The following AGBL1 variants were observed in gnomAD, a reference collection of about 807,000 sequenced individuals.
AGBL1 encodes AGBL carboxypeptidase 1, also known as cytosolic carboxypeptidase 4.
Under a neutral mutation model 118.9 loss-of-function variants are expected in AGBL1, and 130 were observed. The ratio of observed to expected loss-of-function variants is 1.09; its 90% CI spans 0.95 to 1.26. The LOEUF (loss-of-function observed/expected upper bound fraction) is 1.26, where lower values mean the gene tolerates loss of function less well. AGBL1 is among the 50% of genes most tolerant of loss of function. AGBL1 has a pLI of 0.00. For synonymous variants in AGBL1, 555 were observed against 478.9 expected, an observed-to-expected ratio of 1.16 and a Z score of -2.08; for missense variants, 1,584 against 1,298.1, an observed-to-expected ratio of 1.22 and a Z score of -3.38.
intron 24 of AGBL1, among the ~76,000 whole-genome samples, chr15:87,007,992 C>T (rs1369143368): frequency 6.6e-6 from 1 of 152,180 alleles, no homozygotes; most frequent in Admixed American, 6.5e-5. Flanking sequence ...TTGGATTATT[C>T]ATTGCTGAAG....
intron 17 of AGBL1, among the ~76,000 whole-genome samples, chr15:86,298,825 G>A (rs529117354): frequency 9.2e-5 from 14 of 152,244 alleles, no homozygotes; most frequent in Admixed American, 2.0e-4. Context: ...ATAAGACCAC[G>A]GCTATGGAAT....
At chr15:86,716,072 A>G (rs2086634103) in intron 22 of AGBL1, among the ~76,000 whole-genome samples, 1 of 152,110 alleles carries the variant, frequency 6.6e-6, no homozygotes, top group East Asian at 1.9e-4. Context: ...TCTCAAAAAA[A>G]AAAAAAAAAA....
intron 24 of AGBL1, among the ~76,000 whole-genome samples, chr15:87,007,840 T>C (rs2081520181): frequency 6.6e-6 from 1 of 152,232 alleles, no homozygotes; most frequent in African/African-American, 2.4e-5. Flanking sequence ...TGCTTGTTTC[T>C]ATATTAAATA....
intron 21 of AGBL1, among the ~76,000 whole-genome samples, chr15:86,597,739 T>C (rs1003886299): frequency 3.3e-5 from 5 of 152,124 alleles, no homozygotes; most frequent in Non-Finnish European, 7.3e-5. Context: ...TTGGCAGAGA[T>C]GCAGAAGCAG....
intron 21 of AGBL1, among the ~76,000 whole-genome samples, chr15:86,568,888 A>T (rs1015553470): frequency 2.0e-5 from 3 of 152,148 alleles, no homozygotes; most frequent in Non-Finnish European, 4.4e-5. Flanking sequence ...GTTCCCAGAA[A>T]TTTTTTTAAT....
At chr15:86,173,138 C>T (rs1455684341) in intron 5 of AGBL1, 2 of 151,878 alleles carry the variant, frequency 1.3e-5, no homozygotes, top group Non-Finnish European at 2.9e-5. Flanking sequence ...CTGTTGGCCA[C>T]CTGTATGTCT....
At chr15:86,663,744 A>G (rs1365528879) in intron 21 of AGBL1, among the ~76,000 whole-genome samples, 1 of 152,192 alleles carries the variant, frequency 6.6e-6, no homozygotes, top group Non-Finnish European at 1.5e-5. Flanking sequence ...TCCATGAAGT[A>G]TAAAGCCTCT....
Position 86,797,773 on chromosome 15 carries a change from T to A in AGBL1, c.3159-109314T>A, listed in dbSNP as rs1479747769. 3.3e-5 allele frequency among the ~76,000 whole-genome samples: 5 copies of A among 151,926 alleles called. No individual in the cohort carries two copies. In the South Asian group the frequency reaches 1.0e-3, roughly 32 times the overall value. ...GTGGGGAGGTGATCCATCAGCAAAA[T>A]GGAAAGGGAAGGACTTGGAAGAACC... is the stretch of plus-strand genomic sequence containing the variant. On this transcript the variant is annotated intron_variant, in intron 22 of 22. Coordinates refer to ENST00000614907, the MANE Select transcript of AGBL1 (RefSeq NM_001386094.1).
At chr15:86,947,015 A>T (rs976084006) in intron 23 of AGBL1, among the ~76,000 whole-genome samples, 4 of 152,096 alleles carry the variant, frequency 2.6e-5, no homozygotes, top group African/African-American at 9.7e-5. Context: ...CCTTTTAAGG[A>T]TGTGGCAATA....
At chr15:86,786,078 T>G (rs1429376256) in intron 22 of AGBL1, among the ~76,000 whole-genome samples, 1 of 152,058 alleles carries the variant, frequency 6.6e-6, no homozygotes, top group Non-Finnish European at 1.5e-5. Flanking sequence ...GTTTTCTGGA[T>G]TTTTTTTGAA....
chr15:86,343,848 G>T (rs2141886821), intron 17 of AGBL1, among the ~76,000 whole-genome samples: 1 of 152,260 alleles, frequency 6.6e-6, no homozygotes, highest in South Asian at 2.1e-4. Flanking sequence ...TTAATCACCT[G>T]TATGAACGTC....
At chr15:86,858,317 G>A (rs980916776) in intron 22 of AGBL1, among the ~76,000 whole-genome samples, 1 of 152,122 alleles carries the variant, frequency 6.6e-6, no homozygotes, top group Non-Finnish European at 1.5e-5. Context: ...AGTGTCATGG[G>A]GCCTTGTGGA....
At chr15:86,496,503 A>T (rs903238335) in intron 18 of AGBL1, among the ~76,000 whole-genome samples, 1 of 152,098 alleles carries the variant, frequency 6.6e-6, no homozygotes, top group Admixed American at 6.6e-5. Flanking sequence ...GTCTTTTAAT[A>T]GATTACTTTA....
chr15:86,181,757 G>C (rs2077555955), intron 5 of AGBL1, among the ~76,000 whole-genome samples: 8 of 151,860 alleles, frequency 5.3e-5, no homozygotes, highest in Admixed American at 5.2e-4. Flanking sequence ...CTTTAAAGAA[G>C]GATACCAATA....
chr15:86,221,657 T>C (rs945766997), intron 5 of AGBL1, among the ~76,000 whole-genome samples: 3 of 152,182 alleles, frequency 2.0e-5, no homozygotes, highest in African/African-American at 7.2e-5. Flanking sequence ...GTATGGGAGA[T>C]GAAGTGCTTT....
At chr15:86,919,226 C>A (rs12901069), downstream of AGBL1, among the ~76,000 whole-genome samples, 80,795 of 151,918 alleles carry the variant, frequency 0.53, 23,667 homozygotes, top group East Asian at 0.66. Context: ...GTGAGTGGCC[C>A]CTTCAACAAG....
chr15:86,135,025 C>T (rs1460257245), intron 1 of AGBL1, among the ~76,000 whole-genome samples: 1 of 152,042 alleles, frequency 6.6e-6, no homozygotes. Flanking sequence ...GAGTTGGGGC[C>T]TAATGGGGCG....
At chr15:86,609,627 C>T (rs750423875) in intron 21 of AGBL1, among the ~76,000 whole-genome samples, 17 of 152,082 alleles carry the variant, frequency 1.1e-4, no homozygotes, top group South Asian at 4.2e-4. Context: ...ACCTCATTCT[C>T]GTGAAAACTT....
chr15:86,323,506 T>G (rs1374748712), intron 17 of AGBL1, among the ~76,000 whole-genome samples: 1 of 152,122 alleles, frequency 6.6e-6, no homozygotes, highest in African/African-American at 2.4e-5. Flanking sequence ...ATATAAATGG[T>G]CCATCCACTA....
Sources: gnomAD v4.1 joint callset for allele counts (sites outside exome capture counted in the v4.1 genomes callset) on GRCh38, gnomAD v4.1.1 for gene constraint, MANE v1.5 for transcripts, NCBI Gene and HGNC (gene_info 2026-07-23, HGNC 2026-07-21) for gene names.